USP31: variants seen among roughly 807,000 people sequenced by gnomAD.
The protein encoded by USP31 is ubiquitin specific peptidase 31.
A neutral mutation model predicts 119.4 loss-of-function variants in USP31; 44 were observed. The ratio of observed to expected loss-of-function variants is 0.37; its 90% CI spans 0.29 to 0.47. The LOEUF is 0.47. Ranked by LOEUF, USP31 falls within the 20% of genes least tolerant of loss-of-function variation. The pLI is 0.99. For synonymous variants in USP31, 749 were observed against 705.6 expected (o/e 1.06, Z -0.97); for missense variants, 1,643 against 1,730.2 (o/e 0.95, Z 0.89).
intron 6 of USP31, among the ~76,000 whole-genome samples, chr16:23,094,308 T>C (rs1901506955): frequency 6.6e-6 from 1 of 152,166 alleles, no homozygotes; most frequent in African/African-American, 2.4e-5. Context: ...GCATCCACCA[T>C]TGCTGAGGCT....
Position 23,080,076 on chromosome 16 carries a change from G to A in USP31, c.2046C>T (p.Ser682=), listed in dbSNP as rs1474865737. 2.5e-6 allele frequency: 4 copies of A among 1,613,918 alleles called. 1 individual carries two copies. The Admixed American group carries it at 6.7e-5, about 27-fold the overall frequency. The change falls in exon 13 of 16, where the codon AGC becomes AGT. Residue 682 remains serine, a synonymous_variant. Transcript: ENST00000219689. ...GGGACCAATGCGATGGCAAACTCCA[G>A]CTGCTCTGGCTCCTCTTAACCACGT... ...TPHVVKRSQS[S]WSLPSHWSPW...
intron 4 of USP31, 31 bp downstream of exon 4, chr16:23,106,182 A>G (rs1191029231): frequency 6.2e-7 from 1 of 1,612,318 alleles, no homozygotes; most frequent in African/African-American, 1.3e-5. Context: ...ATAAGAAAAT[A>G]CAGTCTTCAT....
intron 1 of USP31, among the ~76,000 whole-genome samples, chr16:23,140,890 T>C (rs1672071281): frequency 1.3e-5 from 2 of 152,292 alleles, no homozygotes; most frequent in African/African-American, 4.8e-5. Flanking sequence ...AATCAATCCA[T>C]TAGCAAGTTC....
chr16:23,069,995 G>A (rs1179707060), intron 15 of USP31, among the ~76,000 whole-genome samples: 1 of 152,186 alleles, frequency 6.6e-6, no homozygotes, highest in African/African-American at 2.4e-5. Flanking sequence ...GTAAGAAAAC[G>A]TGTCTGACTG....
intron 1 of USP31, among the ~76,000 whole-genome samples, chr16:23,132,808 T>C (rs1449559172): frequency 2.0e-5 from 3 of 152,192 alleles, no homozygotes; most frequent in African/African-American, 7.2e-5. Flanking sequence ...ACCTCCAGAA[T>C]GGCTTTCCAT....
chr16:23,130,406 T>C (rs951586388), intron 1 of USP31, among the ~76,000 whole-genome samples: 1 of 134,072 alleles, frequency 7.5e-6, no homozygotes, highest in Non-Finnish European at 1.6e-5. Flanking sequence ...GTCAACAAAG[T>C]GACACCCCCC....
rs116872765 is a variant in USP31 at position 23,117,610 on chromosome 16, G to A, written c.634-9427C>T. Among the ~76,000 whole-genome samples the A allele has an allele frequency of 2.8e-4, 43 of 152,302 alleles. 2 individuals carry two copies. The East Asian group carries it at 8.1e-3, about 29-fold the overall frequency. On this transcript the variant is annotated intron_variant, in intron 1 of 15. Transcript: ENST00000219689. ...AAAGTTGTCCCAACAGATTATACAA[G>A]TAGCAAGAGAAGACTCCAAGTAAGT... is the stretch of plus-strand genomic sequence containing the variant.
intron 4 of USP31, 30 bp from the exon 5 acceptor site, chr16:23,105,606 T>C (rs372646313): frequency 1.3e-6 from 2 of 1,501,872 alleles, no homozygotes; most frequent in African/African-American, 1.4e-5. Context: ...ATCTTCTCAT[T>C]AGTCACTTAT....
chr16:23,090,533 G>T, intron 7 of USP31, 91 bp downstream of exon 7: 1 of 1,297,232 alleles, frequency 7.7e-7, no homozygotes, highest in Non-Finnish European at 1.0e-6. Context: ...ACTACTAAAA[G>T]TAAGAACTTT....
intron 13 of USP31, among the ~76,000 whole-genome samples, chr16:23,074,796 A>T: frequency 6.6e-6 from 1 of 152,236 alleles, no homozygotes; most frequent in African/African-American, 2.4e-5. Context: ...CGAAAACTTA[A>T]GAGTTCACAA....
Position 23,064,265 on chromosome 16 carries a change from G to T in USP31, c.*3781C>A, listed in dbSNP as rs1362019730. 2 of 152,484 alleles carry T rather than the reference G, an allele frequency of 1.3e-5. No homozygotes were observed. The highest frequency in any genetic ancestry group is 2.4e-5 in the African/African-American group (1 of 41,434). The allele number at this position is 152,484 out of a possible 1,614,324, so 9.4% of individuals were successfully genotyped here. On this transcript the variant is annotated 3_prime_UTR_variant, in exon 16 of 16. Transcript: ENST00000219689. ...ACTTCGGCTGTTCAGTAATTTGTCC[G>T]AATGAAATGTAACGTCTGATGCCCC...
Position 23,073,764 on chromosome 16 carries a change from G to A in USP31, c.2293C>T (p.Arg765Trp), listed in dbSNP as rs1292245681. Residue 765 changes from arginine to tryptophan, a missense_variant, in exon 14 of 16, where the codon CGG becomes TGG. Transcript: ENST00000219689. Reference protein sequence around the residue: ...QTAYILFYQRRTAIPSWSANS... With the variant: ...QTAYILFYQRWTAIPSWSANS... Reference sequence around the variant, plus strand: ...GCTGACCATGACGGGATGGCTGTCCGCCTCTGGTAGAAGAGGATGTATGCT... The same window carrying A: ...GCTGACCATGACGGGATGGCTGTCCACCTCTGGTAGAAGAGGATGTATGCT... 6.2e-7 allele frequency: 1 copy of A among 1,613,340 alleles called. No homozygotes were observed. Among genetic ancestry groups the A allele is most frequent in the African/African-American group, 1.3e-5 (1 of 74,988 alleles).
intron 1 of USP31, 139 bp from the exon 2 acceptor site, chr16:23,108,322 C>T: frequency 8.4e-7 from 1 of 1,187,386 alleles, no homozygotes; most frequent in Non-Finnish European, 1.1e-6. Context: ...AAAGTAAAAA[C>T]AGATGCCAGT....
intron 5 of USP31, 129 bp downstream of exon 5, chr16:23,105,311 TA>T: frequency 1.6e-6 from 2 of 1,223,954 alleles, no homozygotes; most frequent in Non-Finnish European, 1.1e-6. Flanking sequence ...TTTTTTTCCC[TA>T]AACTCTAAAT....
At chr16:23,094,692 C>A (rs1440780347) in intron 6 of USP31, among the ~76,000 whole-genome samples, 1 of 152,176 alleles carries the variant, frequency 6.6e-6, no homozygotes, top group African/African-American at 2.4e-5. Context: ...GCAGCCTCTA[C>A]TGGTGATACC....
At chr16:23,102,792 C>T (rs1764465890) in intron 5 of USP31, among the ~76,000 whole-genome samples, 1 of 152,044 alleles carries the variant, frequency 6.6e-6, no homozygotes, top group South Asian at 2.1e-4. Flanking sequence ...ATTCCCTAAA[C>T]AATATAGCAT....
In USP31 at chr16:23,069,154, T is replaced by A; in HGVS notation, c.2951A>T (p.Asp984Val). Residue 984 changes from aspartate (D) to valine (V), a missense_variant, in exon 16 of 16, where the codon GAT (aspartate) becomes GTT (valine). This residue lies in a region of USP31 where 699 missense variants were observed against 650.9 expected (regional missense o/e 1.07). Transcript: ENST00000219689. ...CACATAAGCGATCTGATTATTGTTA[T>A]CAAATGGACCAGAGAGCGGGGGCAG... is the stretch of plus-strand genomic sequence containing the variant. ...DRLPPLSGPFDNNNQIAYVDQ... is the reference protein window; with the variant it reads ...DRLPPLSGPFVNNNQIAYVDQ... 6.2e-7 allele frequency: 1 copy of A among 1,614,106 alleles called. No individual in the cohort carries two copies. Among genetic ancestry groups the A allele is most frequent in the Non-Finnish European group, 8.5e-7 (1 of 1,180,040 alleles).
chr16:23,145,699 T>C (rs1312377454), intron 1 of USP31, among the ~76,000 whole-genome samples: 1 of 152,068 alleles, frequency 6.6e-6, no homozygotes, highest in African/African-American at 2.4e-5. Flanking sequence ...CAGGTGGAAA[T>C]ACAGAAATGG....
At chr16:23,103,551 C>T (rs1484554807) in intron 5 of USP31, among the ~76,000 whole-genome samples, 3 of 152,236 alleles carry the variant, frequency 2.0e-5, no homozygotes, top group East Asian at 3.9e-4. Flanking sequence ...AGTAACCCTT[C>T]GCATTAAGAT....
Sources: gnomAD v4.1 joint callset for allele counts (sites outside exome capture counted in the v4.1 genomes callset) on GRCh38, gnomAD v4.1.1 for gene constraint, gnomAD v4.1.1 regional missense constraint, MANE v1.5 for transcripts, NCBI Gene and HGNC (gene_info 2026-07-23, HGNC 2026-07-21) for gene names.